The following DLG2 variants were observed in gnomAD, a reference collection of about 807,000 sequenced individuals.
DLG2 encodes discs large MAGUK scaffold protein 2, also known as disks large homolog 2.
A neutral mutation model predicts 132.5 loss-of-function variants in DLG2; 45 were observed. The ratio of observed to expected loss-of-function variants is 0.34; its 90% CI spans 0.27 to 0.44. The LOEUF (loss-of-function observed/expected upper bound fraction) is 0.44, where lower values mean the gene tolerates loss of function less well. DLG2 is among the 20% of genes least tolerant of loss of function. The probability of loss-of-function intolerance (pLI) is 1.00; values close to 1 mark genes in which losing one functional copy is unlikely to be tolerated. For synonymous variants in DLG2, 424 were observed against 419.6 expected (o/e 1.01, Z -0.13); for missense variants, 1,045 against 1,196.9 (o/e 0.87, Z 1.87).
At chr11:84,974,953 G>C (rs2054656344) in intron 6 of DLG2, among the ~76,000 whole-genome samples, 1 of 152,232 alleles carries the variant, frequency 6.6e-6, no homozygotes, top group Non-Finnish European at 1.5e-5. Context: ...AAAACCTAGT[G>C]TGAGAGGTGT....
intron 3 of DLG2, among the ~76,000 whole-genome samples, chr11:85,316,370 C>A (rs140437575): frequency 3.7e-4 from 56 of 152,100 alleles, no homozygotes; most frequent in African/African-American, 1.3e-3. Flanking sequence ...GTTATTTGAG[C>A]ATGAGATGGA....
intron 6 of DLG2, among the ~76,000 whole-genome samples, chr11:84,873,718 T>C (rs1167092740): frequency 1.3e-5 from 2 of 152,204 alleles, no homozygotes; most frequent in Admixed American, 1.3e-4. Flanking sequence ...TCCTTAAAAT[T>C]TTCAAAAACC....
chr11:85,159,591 C>G (rs746072199), intron 4 of DLG2, among the ~76,000 whole-genome samples: 4 of 152,204 alleles, frequency 2.6e-5, no homozygotes, highest in Non-Finnish European at 5.9e-5. Context: ...TGGAGAAGGA[C>G]AGTGGATTAT....
At chr11:85,339,478 C>G (rs1326941085) in intron 3 of DLG2, among the ~76,000 whole-genome samples, 1 of 152,096 alleles carries the variant, frequency 6.6e-6, no homozygotes, top group Non-Finnish European at 1.5e-5. Flanking sequence ...ATTGACATCA[C>G]CAATATATGA....
intron 3 of DLG2, among the ~76,000 whole-genome samples, chr11:85,295,638 A>T (rs1413537145): frequency 6.6e-6 from 1 of 152,176 alleles, no homozygotes; most frequent in Admixed American, 6.6e-5. Flanking sequence ...ATAGAATGTT[A>T]GGGGTTAATT....
chr11:83,884,127 A>C (rs1288868186), intron 15 of DLG2, among the ~76,000 whole-genome samples: 1 of 152,178 alleles, frequency 6.6e-6, no homozygotes, highest in Non-Finnish European at 1.5e-5. Flanking sequence ...GCGCGAGCCG[A>C]AGCAGGGCGA....
intron 5 of DLG2, among the ~76,000 whole-genome samples, chr11:85,147,112 C>T (rs981786392): frequency 9.9e-5 from 15 of 152,162 alleles, no homozygotes; most frequent in African/African-American, 2.2e-4. Context: ...ATAGGCAATG[C>T]GAAACTGTCT....
At chr11:84,677,515 A>T (rs2099716155) in intron 6 of DLG2, among the ~76,000 whole-genome samples, 1 of 152,076 alleles carries the variant, frequency 6.6e-6, no homozygotes. Context: ...ATCCTTCCTT[A>T]TAAGAATAGC....
intron 6 of DLG2, among the ~76,000 whole-genome samples, chr11:84,916,117 G>A (rs529949182): frequency 1.7e-4 from 26 of 151,826 alleles, no homozygotes; most frequent in South Asian, 1.0e-3. Context: ...AGGCCGAGGC[G>A]GGCGGATCAC....
chr11:85,060,928 A>C (rs2064056722), intron 6 of DLG2, among the ~76,000 whole-genome samples: 1 of 150,518 alleles, frequency 6.6e-6, no homozygotes, highest in Non-Finnish European at 1.5e-5. Context: ...TTTAATGGTC[A>C]TCTTAACAAG....
chr11:84,040,360 C>A (rs1240569298), intron 11 of DLG2, among the ~76,000 whole-genome samples: 1 of 151,952 alleles, frequency 6.6e-6, no homozygotes, highest in Non-Finnish European at 1.5e-5. Context: ...TTAGGTCTAA[C>A]GTTTAAGTCT....
At chr11:83,781,224 TTC>T (rs2094812060) in intron 18 of DLG2, among the ~76,000 whole-genome samples, 1 of 152,172 alleles carries the variant, frequency 6.6e-6, no homozygotes, top group Non-Finnish European at 1.5e-5. Flanking sequence ...CACTATATAT[TTC>T]TCTGTCACTA....
At chr11:83,813,667 G>A (rs1409452981) in intron 17 of DLG2, among the ~76,000 whole-genome samples, 2 of 152,084 alleles carry the variant, frequency 1.3e-5, no homozygotes, top group Non-Finnish European at 2.9e-5. Flanking sequence ...CTTGCTTTTA[G>A]ATGATGCCTC....
intron 21 of DLG2, among the ~76,000 whole-genome samples, chr11:83,528,557 G>A (rs980123657): frequency 6.6e-6 from 1 of 152,034 alleles, no homozygotes; most frequent in African/African-American, 2.4e-5. Context: ...CCTCTTTGAA[G>A]CCTTCTCTTT....
At chr11:85,059,760 T>G (rs1448327180) in intron 6 of DLG2, among the ~76,000 whole-genome samples, 1 of 151,634 alleles carries the variant, frequency 6.6e-6, no homozygotes, top group Non-Finnish European at 1.5e-5. Context: ...GCAGTGTAAC[T>G]GTTAGTGATT....
chr11:84,251,390 C>A, intron 7 of DLG2, 99 bp from the exon 8 acceptor site: 1 of 870,512 alleles, frequency 1.1e-6, no homozygotes, highest in East Asian at 3.0e-5. Flanking sequence ...ACAGGCATTT[C>A]TTGAGGACCT....
At chr11:85,455,190 T>C (rs553674916) in intron 3 of DLG2, among the ~76,000 whole-genome samples, 3 of 152,292 alleles carry the variant, frequency 2.0e-5, no homozygotes, top group Admixed American at 6.5e-5. Context: ...ATGTCATCTC[T>C]GATTTCTTGG....
At chr11:83,911,776 G>A (rs61901831) in intron 15 of DLG2, among the ~76,000 whole-genome samples, 2,861 of 152,106 alleles carry the variant, frequency 0.019, 49 homozygotes, top group Non-Finnish European at 0.029. Context: ...AATAGTGAGG[G>A]ATTAATTTAG....
chr11:85,014,522 A>G (rs2059408812), intron 6 of DLG2, among the ~76,000 whole-genome samples: 1 of 152,142 alleles, frequency 6.6e-6, no homozygotes, highest in Non-Finnish European at 1.5e-5. Flanking sequence ...TCAGCTCTTT[A>G]CTATAGAGGG....
Sources: allele counts gnomAD v4.1 joint callset (sites outside exome capture counted in the v4.1 genomes callset), GRCh38; gene constraint gnomAD v4.1.1; transcripts MANE v1.5; gene names NCBI Gene and HGNC (gene_info 2026-07-23, HGNC 2026-07-21).